SLC26A6: variants seen among roughly 807,000 people sequenced by gnomAD.
SLC26A6 encodes the protein anion exchange transporter.
Under a neutral mutation model 87.1 loss-of-function variants are expected in SLC26A6, and 67 were observed. The observed-to-expected ratio is 0.77, with a 90% CI of 0.63 to 0.94. The LOEUF (loss-of-function observed/expected upper bound fraction) is 0.94. SLC26A6 is among the 40% of genes least tolerant of loss of function. The pLI is 0.00. For missense variants in SLC26A6, 902 were observed against 973.0 expected, an observed-to-expected ratio of 0.93 and a Z score of 0.97; for synonymous variants, 414 against 405.9, an observed-to-expected ratio of 1.02 and a Z score of -0.24.
chr3:48,635,437 T>C lies in SLC26A6; in HGVS notation c.-44A>G, dbSNP rs2046930788. ...TGCGGGCTGCTCCTGCTGCTCGAGC[T>C]AGAGGCCGCTACGCTCCGGAAGGCG... On this transcript the variant is annotated 5_prime_UTR_variant, in exon 1 of 21. Coordinates refer to ENST00000395550, the MANE Select transcript of SLC26A6 (RefSeq NM_022911.3). 1 of 1,557,918 alleles carries C rather than the reference T, an allele frequency of 6.4e-7. No homozygotes were observed. The highest frequency in any genetic ancestry group is 8.7e-7 in the Non-Finnish European group (1 of 1,153,176).
rs2046698792 is a variant in SLC26A6, at chr3:48,628,797, T to G, written c.1600-83A>C. On this transcript the variant is annotated intron_variant, in intron 14 of 20. Transcript: ENST00000395550. This position sits in a 1 kb window ranked among gnomAD's most constrained non-coding sequence, Gnocchi z 4.4. ...TTCTCCTGCCTTTCCTTCCCTAGTG[T>G]GCCCAGTGCCTGCCACCGCCCAGCC... 1 of 1,487,736 alleles carries G rather than the reference T, an allele frequency of 6.7e-7. No individual in the cohort carries two copies. The highest frequency in any genetic ancestry group is 9.2e-7 in the Non-Finnish European group (1 of 1,088,528). 92.2% of individuals were successfully genotyped at this position (1,487,736 alleles called of 1,614,324 possible). A position where few individuals can be genotyped will look rare whatever the true frequency, so the allele number is the denominator to read the frequency against.
chr3:48,626,055 C>T (rs1292794433), intron 20 of SLC26A6, 55 bp from the exon 21 acceptor site: 4 of 1,613,046 alleles, frequency 2.5e-6, no homozygotes, highest in East Asian at 4.5e-5. Context: ...CACAGACCAA[C>T]CCCCGCCCCT....
In SLC26A6 at chr3:48,631,642, C is replaced by A. The variant is rs769616893; in HGVS notation, c.903+7G>T. ...CTCCCCTGCCCTCCACTCCCTGGCC[C>A]TCGAACCGTGAGCAGCTCCCCGGGT... On this transcript the variant is annotated splice_region_variant and intron_variant, in intron 7 of 20. Coordinates refer to ENST00000395550, the MANE Select transcript of SLC26A6 (RefSeq NM_022911.3). The A allele has an allele frequency of 6.2e-7, 1 of 1,611,922 alleles. No homozygotes were observed. The highest frequency in any genetic ancestry group is 1.1e-5 in the South Asian group (1 of 90,884).
Position 48,631,107 on chromosome 3 carries a change from C to G in SLC26A6, c.1020G>C (p.Leu340=), listed in dbSNP as rs755048941. ...AGGCGCTGCCCACGAGCTTTGAGAA[C>G]AGCTGGGTGTTGGGGGCCACTGGGG... The part of the protein sequence containing the change: ...LVPPVAPNTQ[L]FSKLVGSAFT... The change falls in exon 9 of 21, where the codon CTG becomes CTC. Residue 340 remains leucine (L), a synonymous_variant. Transcript: ENST00000395550. 1 of 1,613,616 alleles carries G rather than the reference C, an allele frequency of 6.2e-7. No individual in the cohort carries two copies. The highest frequency in any genetic ancestry group is 1.3e-5 in the African/African-American group (1 of 74,942).
chr3:48,633,187 T>A (rs544974086), intron 3 of SLC26A6, 64 bp downstream of exon 3: 1 of 1,592,182 alleles, frequency 6.3e-7, no homozygotes, highest in African/African-American at 1.3e-5. Flanking sequence ...GTAGAGGTCA[T>A]GGCCCCAGTT....
intron 18 of SLC26A6, 72 bp from the exon 19 acceptor site, chr3:48,626,757 G>A: frequency 1.2e-6 from 2 of 1,610,984 alleles, no homozygotes; most frequent in Non-Finnish European, 1.7e-6. Context: ...CAGGCTTGGG[G>A]AGGGAGTTTA....
intron 9 of SLC26A6, 56 bp downstream of exon 9, chr3:48,630,937 G>A (rs1385288903): frequency 1.4e-5 from 22 of 1,597,750 alleles, no homozygotes; most frequent in East Asian, 4.5e-5. Context: ...TCCCCCACCC[G>A]TTGCTGGCGC....
Position 48,628,042 on chromosome 3 carries a change from C to A in SLC26A6, c.1801-4G>T. 6.4e-7 allele frequency: 1 copy of A among 1,566,962 alleles called. No homozygotes were observed. The highest frequency in any genetic ancestry group is 8.6e-7 in the Non-Finnish European group (1 of 1,162,260). ...AGGCGCCCTTGGGGGAGGCAGCCTA[C>A]ACCAGGGAAGACAGGGAATGGGAAA... is the stretch of plus-strand genomic sequence containing the variant. On this transcript the variant is annotated splice_polypyrimidine_tract_variant and splice_region_variant and intron_variant, in intron 16 of 20. Coordinates refer to ENST00000395550, the MANE Select transcript of SLC26A6 (RefSeq NM_022911.3). This position sits in a 1 kb window ranked among gnomAD's most constrained non-coding sequence, Gnocchi z 4.4.
rs2046734096 is a variant in SLC26A6 at position 48,629,919 on chromosome 3, C to A, written c.1482G>T (p.Val494=). The A allele has an allele frequency of 1.2e-6, 2 of 1,614,046 alleles. No individual in the cohort carries two copies. Among genetic ancestry groups the A allele is most frequent in the African/African-American group, 2.7e-5 (2 of 74,928 alleles). ...TILLNLDLGL[V]VAVIFSLLLV... is the part of the protein sequence containing the mutation. ...GCAGCAGGGAGAAGATGACCGCAACCACCAAGCCAAGGTCCAGGTTCAGCA... is the reference window on the plus strand; with the variant it reads ...GCAGCAGGGAGAAGATGACCGCAACAACCAAGCCAAGGTCCAGGTTCAGCA... Residue 494 remains valine (V), a synonymous_variant, in exon 13 of 21, where the codon GTG becomes GTT. Transcript: ENST00000395550.
intron 4 of SLC26A6, chr3:48,632,652 C>G (rs779653650): frequency 2.2e-5 from 15 of 694,644 alleles, no homozygotes; most frequent in Admixed American, 6.1e-5. Flanking sequence ...CTACTGGTCC[C>G]GGGACACAGA....
chr3:48,629,786 G>A, intron 13 of SLC26A6, 75 bp from the exon 14 acceptor site: 2 of 1,606,180 alleles, frequency 1.2e-6, no homozygotes, highest in Non-Finnish European at 1.7e-6. Flanking sequence ...GGAGCCTGAA[G>A]TCCCCAGAGA....
At position 48,632,394 on chromosome 3, in the gene SLC26A6, TC is replaced by T; in HGVS notation, c.435del (p.Thr146ProfsTer7). The T allele has an allele frequency of 6.2e-7, 1 of 1,605,496 alleles. No individual in the cohort carries two copies. ...LFGTSRHISV[G>X]TFAVMSVMVG... ...ACCATCACAGACATGACAGCAAAGG[TC>T]CCTGTAAGGACGGCACGGGGCAGGT... is the stretch of plus-strand genomic sequence containing the variant. On this transcript the variant is annotated frameshift_variant and splice_region_variant, in exon 5 of 21. Transcript: ENST00000395550. LOFTEE classifies it high-confidence loss of function.
chr3:48,628,384 C>G lies in SLC26A6; in HGVS notation c.1800+50G>C, dbSNP rs1164465491. On this transcript the variant is annotated intron_variant, in intron 16 of 20. Coordinates refer to ENST00000395550, the MANE Select transcript of SLC26A6 (RefSeq NM_022911.3). The surrounding 1 kb of genome is among the most constrained non-coding windows in gnomAD (Gnocchi z 4.4). Reference sequence around the variant, plus strand: ...TCGGGGGCCAGGAGAAAGGCTGGGGCAGGGAACAGGGGGCAGGAGATGGGG... The same window carrying G: ...TCGGGGGCCAGGAGAAAGGCTGGGGGAGGGAACAGGGGGCAGGAGATGGGG... 1.2e-6 allele frequency: 2 copies of G among 1,602,404 alleles called. No individual in the cohort carries two copies. The highest frequency in any genetic ancestry group is 1.1e-5 in the South Asian group (1 of 90,566).
rs111681229 is a variant in SLC26A6 at position 48,630,538 on chromosome 3, G to T, written c.1249-23C>A. The T allele has an allele frequency of 2.7e-5, 42 of 1,558,574 alleles. No homozygotes were observed. In the African/African-American group the frequency reaches 2.9e-4, roughly 11 times the overall value. ...AACCTGTTCGGGGAGGGAGTGAGCA[G>T]GGGAGAGACCTCCTTCCCCAGGCAA... is the stretch of plus-strand genomic sequence containing the variant. On this transcript the variant is annotated intron_variant, in intron 10 of 20. Coordinates refer to ENST00000395550, the MANE Select transcript of SLC26A6 (RefSeq NM_022911.3).
rs201569807 is a variant in SLC26A6, at chr3:48,630,073, G to A, written c.1411C>T (p.Arg471Trp). Residue 471 changes from arginine (R) to tryptophan (W), a missense_variant, in exon 12 of 21, where the codon CGG becomes TGG. Arg to Trp is a moderately radical substitution (Grantham distance 101, BLOSUM62 -3). Coordinates refer to ENST00000395550, the MANE Select transcript of SLC26A6 (RefSeq NM_022911.3). ...SDMRSLWKAN[R>W]ADLLIWLVTF... ...CCCAGTGCACTCACCAGATCCGCCC[G>A]ATTGGCCTTCCAGAGGGAGCGCATG... 5.5e-4 allele frequency: 890 copies of A among 1,612,366 alleles called. 2 individuals are homozygous for A. Among genetic ancestry groups the A allele is most frequent in the Non-Finnish European group, 5.4e-4 (631 of 1,178,716 alleles).
rs369276374 is a variant in SLC26A6, at chr3:48,625,973, G to C, written c.*13C>G. ...ACCTCCAGAGGTGCAGTCTTGGGCA[G>C]GATGTAGCATGTTCAGAGTCTGGTG... On this transcript the variant is annotated 3_prime_UTR_variant, in exon 21 of 21. Coordinates refer to ENST00000395550, the MANE Select transcript of SLC26A6 (RefSeq NM_022911.3). This position sits in a 1 kb window ranked among gnomAD's most constrained non-coding sequence, Gnocchi z 4.7. 3 of 1,613,890 alleles carry C rather than the reference G, an allele frequency of 1.9e-6. No homozygotes were observed. The highest frequency in any genetic ancestry group is 2.5e-6 in the Non-Finnish European group (3 of 1,179,976).
In SLC26A6 at chr3:48,631,150, G is replaced by GT. The variant is rs1459009759; in HGVS notation, c.987-11dup. On this transcript the variant is annotated splice_polypyrimidine_tract_variant and intron_variant, in intron 8 of 20. Transcript: ENST00000395550. ...CACTGGGGGCACCAGCCTGTGAGAGGTATCTGTGAGGCCAAAGCAAGGTCC... is the reference window on the plus strand; with the variant it reads ...CACTGGGGGCACCAGCCTGTGAGAGGTTATCTGTGAGGCCAAAGCAAGGTCC... 5 of 1,613,566 alleles carry GT rather than the reference G, an allele frequency of 3.1e-6. No individual in the cohort carries two copies. Among genetic ancestry groups the GT allele is most frequent in the Admixed American group, 1.7e-5 (1 of 60,002 alleles).
Position 48,632,306 on chromosome 3 carries a change from G to C in SLC26A6, c.524C>G (p.Ala175Gly). 6.2e-7 allele frequency: 1 copy of C among 1,613,136 alleles called. No individual in the cohort carries two copies. The highest frequency in any genetic ancestry group is 8.5e-7 in the Non-Finnish European group (1 of 1,179,784). ...ALNDSMINETARDAARVQVAS... is the reference protein window; with the variant it reads ...ALNDSMINETGRDAARVQVAS... ...CACCTGTACCCGGGCAGCATCTCTG[G>C]CTGTCTCATTGATCATGGAGTCGTT... Residue 175 changes from alanine (A) to glycine (G), a missense_variant, in exon 5 of 21, where the codon GCC becomes GGC. Coordinates refer to ENST00000395550, the MANE Select transcript of SLC26A6 (RefSeq NM_022911.3).
intron 7 of SLC26A6, 30 bp from the exon 8 acceptor site, chr3:48,631,336 G>C (rs774892358): frequency 2.0e-6 from 3 of 1,536,866 alleles, no homozygotes; most frequent in Non-Finnish European, 2.6e-6. Context: ...CAGGGAGGCA[G>C]GTGCTGGCAC....
Sources: allele counts gnomAD v4.1 joint callset, GRCh38; gene constraint gnomAD v4.1.1; non-coding constraint Gnocchi (gnomAD v3.1); transcripts MANE v1.5; gene names NCBI Gene and HGNC (gene_info 2026-07-23, HGNC 2026-07-21).